The following SSH1 variants were observed in gnomAD, a reference collection of about 807,000 sequenced individuals.
SSH1 encodes the protein protein phosphatase Slingshot homolog 1.
A neutral mutation model predicts 79.7 loss-of-function variants in SSH1; 43 were observed. The ratio of observed to expected loss-of-function variants is 0.54; its 90% CI spans 0.42 to 0.70. SSH1 has a LOEUF of 0.70. Ranked by LOEUF, SSH1 falls within the 30% of genes least tolerant of loss-of-function variation. The probability of loss-of-function intolerance (pLI) is 0.00; values close to 1 mark genes in which losing one functional copy is unlikely to be tolerated. For synonymous variants in SSH1, 599 were observed against 538.3 expected, an observed-to-expected ratio of 1.11 and a Z score of -1.56; for missense variants, 1,206 against 1,358.8, an observed-to-expected ratio of 0.89 and a Z score of 1.77.
At chr12:108,798,488 G>A (rs1173864594) in intron 13 of SSH1, among the ~76,000 whole-genome samples, 1 of 152,204 alleles carries the variant, frequency 6.6e-6, no homozygotes, top group Non-Finnish European at 1.5e-5. Flanking sequence ...ACAAGTGCAT[G>A]TCCCAGGCCC....
chr12:108,793,398 CTTTT>C (rs200848471), intron 13 of SSH1, among the ~76,000 whole-genome samples: 7 of 137,756 alleles, frequency 5.1e-5, no homozygotes, highest in East Asian at 4.2e-4. Context: ...TTTATAATCC[CTTTT>C]TTTTTTTTTT....
chr12:108,845,910 G>A (rs1031527444), intron 2 of SSH1, among the ~76,000 whole-genome samples: 1 of 152,208 alleles, frequency 6.6e-6, no homozygotes, highest in Non-Finnish European at 1.5e-5. Flanking sequence ...CAAGGGCAGG[G>A]AGGAACCCCA....
At position 108,802,373 on chromosome 12, in the gene SSH1, G is replaced by A. The variant is rs781154895; in HGVS notation, c.955-5C>T. The A allele has an allele frequency of 3.7e-6, 6 of 1,614,028 alleles. No homozygotes were observed. The highest frequency in any genetic ancestry group is 1.1e-5 in the South Asian group (1 of 91,076). On this transcript the variant is annotated splice_polypyrimidine_tract_variant and splice_region_variant and intron_variant, in intron 10 of 14. Coordinates refer to ENST00000326495, the MANE Select transcript of SSH1 (RefSeq NM_018984.4). ...GGATGCATTCCATTCAGAGCCCTGG[G>A]AGACAGATCACACAAGCTCCTGTGA... is the stretch of plus-strand genomic sequence containing the variant.
intron 3 of SSH1, among the ~76,000 whole-genome samples, chr12:108,820,941 T>C (rs2038095641): frequency 1.3e-5 from 2 of 152,236 alleles, no homozygotes. Context: ...GCTTGCATCC[T>C]ACCCTTCTAG....
At chr12:108,826,324 A>T in intron 2 of SSH1, 2 of 355,230 alleles carry the variant, frequency 5.6e-6, no homozygotes, top group South Asian at 4.3e-5. Context: ...TGCTCTACGC[A>T]TGAAGTCAGG....
At chr12:108,853,812 T>G (rs1421663571) in intron 1 of SSH1, among the ~76,000 whole-genome samples, 1 of 151,714 alleles carries the variant, frequency 6.6e-6, no homozygotes, top group East Asian at 1.9e-4. Context: ...TAATCCCAGC[T>G]ACCTGGGAGG....
intron 11 of SSH1, 86 bp downstream of exon 11, chr12:108,802,236 A>C (rs912912345): frequency 7.9e-7 from 1 of 1,265,518 alleles, no homozygotes; most frequent in Admixed American, 1.8e-5. Context: ...ACAGGCAGGC[A>C]GCCCCAAGGT....
chr12:108,796,800 T>C (rs2036771359), intron 13 of SSH1, among the ~76,000 whole-genome samples: 1 of 151,876 alleles, frequency 6.6e-6, no homozygotes, highest in Non-Finnish European at 1.5e-5. Context: ...TGGAGTGCAA[T>C]GGTGTGATCT....
intron 2 of SSH1, chr12:108,833,923 C>T (rs147981708): frequency 3.3e-5 from 5 of 152,418 alleles, no homozygotes; most frequent in African/African-American, 1.2e-4. Flanking sequence ...TGGCCTCTCG[C>T]CCACTCTGCA....
At chr12:108,789,364 G>A (rs2036407361) in intron 14 of SSH1, 120 bp from the exon 15 acceptor site, 2 of 1,053,760 alleles carry the variant, frequency 1.9e-6, no homozygotes, top group Non-Finnish European at 2.8e-6. Context: ...CTGGAGGGGA[G>A]GCTCTCATTT....
At chr12:108,797,804 G>A (rs1169015225) in intron 13 of SSH1, among the ~76,000 whole-genome samples, 1 of 152,034 alleles carries the variant, frequency 6.6e-6, no homozygotes, top group African/African-American at 2.4e-5. Context: ...TCTTCAATTC[G>A]CCCATGTGAC....
Position 108,807,860 on chromosome 12 carries a change from G to A in SSH1, c.537-33C>T, listed in dbSNP as rs753152431. On this transcript the variant is annotated intron_variant, in intron 7 of 14. Coordinates refer to ENST00000326495, the MANE Select transcript of SSH1 (RefSeq NM_018984.4). This position sits in a 1 kb window ranked among gnomAD's most constrained non-coding sequence, Gnocchi z 5.2. ...GAGGAGAAGACAGGGTCAGGCCTGG[G>A]AAGGCACAAGAGATGCAGGGTTTTC... The A allele has an allele frequency of 2.5e-6, 4 of 1,606,326 alleles. No homozygotes were observed. The East Asian group carries it at 6.7e-5, about 27-fold the overall frequency.
chr12:108,802,434 G>A (rs929914495), intron 10 of SSH1, 66 bp from the exon 11 acceptor site: 9 of 1,488,876 alleles, frequency 6.0e-6, no homozygotes, highest in Non-Finnish European at 8.4e-6. Flanking sequence ...CTCAGGGGAT[G>A]CATGGTTTGC....
At chr12:108,854,710 A>C (rs975567373) in intron 1 of SSH1, among the ~76,000 whole-genome samples, 1 of 152,192 alleles carries the variant, frequency 6.6e-6, no homozygotes, top group African/African-American at 2.4e-5. Flanking sequence ...CTCAGATGAA[A>C]GGCCATCTCA....
At chr12:108,817,336 G>A (rs1375934400) in intron 4 of SSH1, 177 bp from the exon 5 acceptor site, 1 of 783,774 alleles carries the variant, frequency 1.3e-6, no homozygotes, top group African/African-American at 1.7e-5. Flanking sequence ...CACTTTGGGA[G>A]GCCAAGGTAG....
intron 2 of SSH1, among the ~76,000 whole-genome samples, chr12:108,849,552 C>T (rs2038971367): frequency 6.6e-6 from 1 of 151,798 alleles, no homozygotes; most frequent in Non-Finnish European, 1.5e-5. Context: ...GACCCTGTCT[C>T]TAAAAAATAA....
chr12:108,857,482 G>T lies in SSH1; in HGVS notation c.15C>A (p.Thr5=), dbSNP rs1471927980. The T allele has an allele frequency of 1.8e-6, 2 of 1,139,336 alleles. No individual in the cohort carries two copies. Among genetic ancestry groups the T allele is most frequent in the South Asian group, 1.7e-5 (1 of 57,816 alleles). 70.6% of individuals were successfully genotyped at this position (1,139,336 alleles called of 1,614,324 possible). A position where few individuals can be genotyped will look rare whatever the true frequency, so the allele number is the denominator to read the frequency against. Residue 5 remains threonine (T), a synonymous_variant, in exon 1 of 15, where the codon ACC becomes ACA. Coordinates refer to ENST00000326495, the MANE Select transcript of SSH1 (RefSeq NM_018984.4). This position sits in a 1 kb window ranked among gnomAD's most constrained non-coding sequence, Gnocchi z 4.7. MALV[T]LQRSPTPSAA... ...CGCTGGGCGTGGGCGAGCGCTGCAGGGTCACCAGGGCCATGGCTGCGGCGC... is the reference window on the plus strand; with the variant it reads ...CGCTGGGCGTGGGCGAGCGCTGCAGTGTCACCAGGGCCATGGCTGCGGCGC...
rs754245985 is a variant in SSH1, at chr12:108,800,892, C to T, written c.1036G>A (p.Asp346Asn). ...DYILNVTREI[D>N]NFFPGLFAYH... is the part of the protein sequence containing the mutation. ...GCAAATAAGCCAGGAAAAAAATTAT[C>T]GATTTCTCTGGTAACATTTAAAATG... The change falls in exon 12 of 15, where the codon GAT becomes AAT. Residue 346 changes from aspartate to asparagine, a missense_variant. Asp to Asn is a conservative substitution (Grantham distance 23). Coordinates refer to ENST00000326495, the MANE Select transcript of SSH1 (RefSeq NM_018984.4). 3.1e-6 allele frequency: 5 copies of T among 1,613,790 alleles called. No individual in the cohort carries two copies. The highest frequency in any genetic ancestry group is 2.2e-5 in the East Asian group (1 of 44,888).
intron 2 of SSH1, among the ~76,000 whole-genome samples, chr12:108,829,091 GC>G (rs2038407500): frequency 6.6e-6 from 1 of 152,170 alleles, no homozygotes; most frequent in Non-Finnish European, 1.5e-5. Flanking sequence ...ACTTTGGGAG[GC>G]TGAGATGGGT....
Sources: gnomAD v4.1 joint callset for allele counts (sites outside exome capture counted in the v4.1 genomes callset) on GRCh38, gnomAD v4.1.1 for gene constraint, Gnocchi (gnomAD v3.1) non-coding constraint, MANE v1.5 for transcripts, NCBI Gene and HGNC (gene_info 2026-07-23, HGNC 2026-07-21) for gene names.